LRRK1: variants seen among roughly 807,000 people sequenced by gnomAD.
The protein encoded by LRRK1 is leucine rich repeat kinase 1.
In LRRK1, 113 loss-of-function variants were observed where a neutral mutation model predicts 209.1. The ratio of observed to expected loss-of-function variants is 0.54; its 90% confidence interval spans 0.46 to 0.63. LRRK1 has a LOEUF of 0.63. Ranked by LOEUF, LRRK1 falls within the 30% of genes least tolerant of loss-of-function variation. The pLI is 0.00. For missense variants in LRRK1, 2,284 were observed against 2,632.2 expected (o/e 0.87, Z 2.89); for synonymous variants, 1,144 against 1,099.7 (o/e 1.04, Z -0.80).
Position 101,022,460 on chromosome 15 carries a change from G to A in LRRK1, c.1930G>A (p.Val644Met), listed in dbSNP as rs375903897. Residue 644 changes from valine (V) to methionine (M), a missense_variant, in exon 15 of 34, where the codon GTG becomes ATG. This residue lies in a region of LRRK1 where 494 missense variants were observed against 522.1 expected (regional missense o/e 0.95). Transcript: ENST00000388948. This position sits in a 1 kb window ranked among gnomAD's most constrained non-coding sequence, Gnocchi z 4.0. ...EKCKLMKMII[V>M]GPPRQGKSTL... ...GTGCAAGCTGATGAAGATGATCATCGTGGGTCCCCCGCGCCAGGGCAAGTC... is the reference window on the plus strand; with the variant it reads ...GTGCAAGCTGATGAAGATGATCATCATGGGTCCCCCGCGCCAGGGCAAGTC... 51 of 1,614,076 alleles carry A rather than the reference G, an allele frequency of 3.2e-5. No homozygotes were observed. The South Asian group carries it at 3.4e-4, about 11-fold the overall frequency.
rs75947081 is a variant in LRRK1 at position 101,035,978 on chromosome 15, G to T, written c.2963+6746G>T. ...AGGAATCTGCTGTTAGTCTAATGGG[G>T]TCTCTTAGGTGACTAGATTCTTTTC... On this transcript the variant is annotated intron_variant, in intron 20 of 33. Coordinates refer to ENST00000388948, the MANE Select transcript of LRRK1 (RefSeq NM_024652.6). Among the ~76,000 whole-genome samples, 12 of 152,230 alleles carry T rather than the reference G, an allele frequency of 7.9e-5. No homozygotes were observed. In the East Asian group the frequency reaches 2.3e-3, roughly 29 times the overall value.
At chr15:101,004,642 G>C (rs1187757188) in intron 6 of LRRK1, among the ~76,000 whole-genome samples, 1 of 152,202 alleles carries the variant, frequency 6.6e-6, no homozygotes, top group African/African-American at 2.4e-5. Context: ...AATACAAAGT[G>C]TCTCAAGCTG....
At chr15:101,057,927 C>A (rs1358429856) in intron 28 of LRRK1, 63 bp from the exon 29 acceptor site, 22 of 1,570,146 alleles carry the variant, frequency 1.4e-5, no homozygotes, top group Non-Finnish European at 1.7e-5. Context: ...ATCTCATGGG[C>A]AGAACGGGCA....
chr15:100,962,584 G>A (rs993373662), intron 2 of LRRK1, among the ~76,000 whole-genome samples: 2 of 151,404 alleles, frequency 1.3e-5, no homozygotes, highest in African/African-American at 4.8e-5. Context: ...TGCTGAAGGG[G>A]ACGGCTACTG....
rs546011231 is a variant in LRRK1 at position 101,066,630 on chromosome 15, G to T, written c.5769-10G>T. On this transcript the variant is annotated splice_polypyrimidine_tract_variant and intron_variant, in intron 32 of 33. Transcript: ENST00000388948. ...CAAATCGCTTCCCCTTCTGGGTTTT[G>T]GTTGCTTAGGCGCGGTGGAGATGTT... 3 of 1,613,542 alleles carry T rather than the reference G, an allele frequency of 1.9e-6. No individual in the cohort carries two copies. Among genetic ancestry groups the T allele is most frequent in the African/African-American group, 1.3e-5 (1 of 75,062 alleles).
At chr15:100,966,468 T>TTC (rs2030467901) in intron 2 of LRRK1, among the ~76,000 whole-genome samples, 3 of 152,246 alleles carry the variant, frequency 2.0e-5, no homozygotes, top group Non-Finnish European at 4.4e-5. Context: ...AAGAAAAATC[T>TTC]TTTCTAGTTC....
At chr15:101,003,349 G>A (rs1023699217) in intron 6 of LRRK1, among the ~76,000 whole-genome samples, 1 of 152,190 alleles carries the variant, frequency 6.6e-6, no homozygotes, top group Non-Finnish European at 1.5e-5. Context: ...AGAGCTCTGG[G>A]AACAGGCAAC....
chr15:101,002,656 A>G (rs2032753096), intron 6 of LRRK1, among the ~76,000 whole-genome samples: 1 of 152,254 alleles, frequency 6.6e-6, no homozygotes, highest in Non-Finnish European at 1.5e-5. Context: ...CTAGACACAA[A>G]TAAATAATGA....
chr15:100,984,899 C>T (rs1011096129), intron 4 of LRRK1, among the ~76,000 whole-genome samples: 1 of 152,118 alleles, frequency 6.6e-6, no homozygotes, highest in African/African-American at 2.4e-5. Flanking sequence ...GGAGCCAGGG[C>T]CCACCTCTTG....
Position 101,075,625 on chromosome 15 carries a change from C to T in LRRK1, c.*6777C>T, listed in dbSNP as rs1325954966. 3 of 149,758 alleles carry T rather than the reference C, an allele frequency of 2.0e-5. No individual in the cohort carries two copies. The highest frequency in any genetic ancestry group is 7.6e-5 in the African/African-American group (3 of 39,324). The allele number at this position is 149,758 out of a possible 1,614,324, so 9.3% of individuals were successfully genotyped here. A position where few individuals can be genotyped will look rare whatever the true frequency, so the allele number is the denominator to read the frequency against. ...AAGCCTATAAACTCTCCTTACAATT[C>T]CCCCATTTCACTTGTCCTAAAACCA... is the stretch of plus-strand genomic sequence containing the variant. On this transcript the variant is annotated 3_prime_UTR_variant, in exon 34 of 34. Coordinates refer to ENST00000388948, the MANE Select transcript of LRRK1 (RefSeq NM_024652.6).
intron 21 of LRRK1, among the ~76,000 whole-genome samples, chr15:101,047,270 A>G (rs1355199329): frequency 1.3e-5 from 2 of 152,262 alleles, no homozygotes; most frequent in Non-Finnish European, 2.9e-5. Context: ...AAAGCCTTAA[A>G]GTCCATCGTG....
At chr15:101,011,492 A>G (rs945260008) in intron 9 of LRRK1, among the ~76,000 whole-genome samples, 2 of 149,504 alleles carry the variant, frequency 1.3e-5, no homozygotes, top group Non-Finnish European at 1.5e-5. Flanking sequence ...AAAAAAAAAA[A>G]GCATCAATCT....
At chr15:101,001,155 C>A (rs186071235) in intron 6 of LRRK1, among the ~76,000 whole-genome samples, 12 of 152,328 alleles carry the variant, frequency 7.9e-5, no homozygotes, top group African/African-American at 2.9e-4. Context: ...CACAAGGATG[C>A]TGGGACAGAG....
Position 100,983,698 on chromosome 15 carries a change from A to G in LRRK1, c.432A>G (p.Pro144=). The change falls in exon 4 of 34, where the codon CCA becomes CCG. Residue 144 remains proline, a splice_region_variant and synonymous_variant. Coordinates refer to ENST00000388948, the MANE Select transcript of LRRK1 (RefSeq NM_024652.6). ...TGCAGGAATTGCTTGAGTCCTTACC[A>G]GGTAAATCACAGGGCATGAGCTCTT... is the stretch of plus-strand genomic sequence containing the variant. ...AVVQELLESL[P]GPCSPQRLLN... 1 of 1,608,306 alleles carries G rather than the reference A, an allele frequency of 6.2e-7. No individual in the cohort carries two copies. The highest frequency in any genetic ancestry group is 8.5e-7 in the Non-Finnish European group (1 of 1,176,534).
In LRRK1 at chr15:101,048,574, C is replaced by T; in HGVS notation, c.3216C>T (p.Arg1072=). The T allele has an allele frequency of 6.3e-7, 1 of 1,588,310 alleles. No individual in the cohort carries two copies. Among genetic ancestry groups the T allele is most frequent in the Non-Finnish European group, 8.5e-7 (1 of 1,171,598 alleles). ...GTTTTACAGGAAACCAGAGAAATCG[C>T]TGTAGCACATTCAGAGTGAAAAGAA... The part of the protein sequence containing the change: ...IYSFTGNQRN[R]CSTFRVKRNQ... The change falls in exon 22 of 34, where the codon CGC becomes CGT. Residue 1072 remains arginine, a synonymous_variant. Transcript: ENST00000388948.
chr15:100,963,891 T>C (rs1157014316), intron 2 of LRRK1, among the ~76,000 whole-genome samples: 1 of 152,186 alleles, frequency 6.6e-6, no homozygotes, highest in African/African-American at 2.4e-5. Context: ...TAACATAGCA[T>C]CTTGTGATTA....
At chr15:100,998,952 AACC>A (rs1421920444) in intron 6 of LRRK1, among the ~76,000 whole-genome samples, 8 of 152,206 alleles carry the variant, frequency 5.3e-5, no homozygotes, top group Non-Finnish European at 1.0e-4. Flanking sequence ...TGTATGCAGT[AACC>A]TCCTTTCTGT....
chr15:101,044,399 C>T (rs1249727723), intron 20 of LRRK1, among the ~76,000 whole-genome samples: 2 of 152,216 alleles, frequency 1.3e-5, no homozygotes, highest in Non-Finnish European at 2.9e-5. Context: ...GGTTTCACTG[C>T]TTTACGTTCA....
intron 33 of LRRK1, chr15:101,067,205 T>C (rs1029966900): frequency 2.2e-6 from 1 of 454,188 alleles, no homozygotes; most frequent in African/African-American, 2.0e-5. Context: ...GGCTGAGACA[T>C]AGCTCAGTAC....
Sources: allele counts gnomAD v4.1 joint callset (sites outside exome capture counted in the v4.1 genomes callset), GRCh38; gene constraint gnomAD v4.1.1; regional missense constraint gnomAD v4.1.1; non-coding constraint Gnocchi (gnomAD v3.1); transcripts MANE v1.5; gene names NCBI Gene and HGNC (gene_info 2026-07-23, HGNC 2026-07-21).